The following DLGAP4 variants were observed in gnomAD, a reference collection of about 807,000 sequenced individuals.
DLGAP4 encodes the protein disks large-associated protein 4.
A neutral mutation model predicts 86.9 loss-of-function variants in DLGAP4; 18 were observed. The ratio of observed to expected loss-of-function variants is 0.21; its 90% CI spans 0.14 to 0.31. The LOEUF is 0.31. Among genes scored for constraint, DLGAP4 ranks in the 10% least tolerant of loss-of-function variants. The pLI, the probability that DLGAP4 is intolerant of heterozygous loss-of-function variation, is 1.00. For missense variants in DLGAP4, 1,085 were observed against 1,362.6 expected (o/e 0.80, Z 3.21); for synonymous variants, 548 against 574.3 (o/e 0.95, Z 0.65).
chr20:36,425,557 G>A lies in DLGAP4; in HGVS notation c.-72-6089G>A, dbSNP rs573846095. Among the ~76,000 whole-genome samples the A allele has an allele frequency of 5.8e-3, 682 of 117,654 alleles. 7 individuals are homozygous for A. The highest frequency in any genetic ancestry group is 0.021 in the African/African-American group (652 of 31,362). 77.2% of individuals were successfully genotyped at this position (117,654 alleles called of 152,430 possible). A position where few individuals can be genotyped will look rare whatever the true frequency, so the allele number is the denominator to read the frequency against. On this transcript the variant is annotated intron_variant, in intron 2 of 12. Transcript: ENST00000339266. ...GTTAAACATAGGGGCTGGGCGTGGT[G>A]GCTCGCCTGTAATCCCAGCACTTTT...
At chr20:36,323,505 G>C (rs2065189635) in intron 1 of DLGAP4, among the ~76,000 whole-genome samples, 1 of 152,108 alleles carries the variant, frequency 6.6e-6, no homozygotes, top group Non-Finnish European at 1.5e-5. Context: ...TTCTATTGTT[G>C]ATAGACTTTT....
At chr20:36,511,429 C>A (rs1353883838) in intron 10 of DLGAP4, among the ~76,000 whole-genome samples, 1 of 152,040 alleles carries the variant, frequency 6.6e-6, no homozygotes, top group South Asian at 2.1e-4. Context: ...GTCTTGAACT[C>A]CTGGGCTCAA....
intron 2 of DLGAP4, among the ~76,000 whole-genome samples, chr20:36,396,576 CATACACACACCAG>C (rs1327564206): frequency 3.9e-4 from 33 of 85,484 alleles, no homozygotes; most frequent in Non-Finnish European, 7.9e-4. Flanking sequence ...ACACACACCA[CATACACACACCAG>C]ACACACACAC....
At chr20:36,490,450 G>A (rs1457001472) in intron 7 of DLGAP4, among the ~76,000 whole-genome samples, 1 of 152,192 alleles carries the variant, frequency 6.6e-6, no homozygotes, top group Non-Finnish European at 1.5e-5. Flanking sequence ...CAAGTTACTT[G>A]CTGGCTGGGA....
chr20:36,341,603 C>T (rs1205100572), intron 1 of DLGAP4, among the ~76,000 whole-genome samples: 1 of 152,270 alleles, frequency 6.6e-6, no homozygotes. Context: ...GGCCACAGGC[C>T]TTGCTGAAGG....
chr20:36,414,182 G>A (rs2032588218), intron 2 of DLGAP4, among the ~76,000 whole-genome samples: 5 of 152,182 alleles, frequency 3.3e-5, no homozygotes, highest in Admixed American at 3.3e-4. Flanking sequence ...CAGGACTGGG[G>A]TCCCAGCCCC....
intron 10 of DLGAP4, among the ~76,000 whole-genome samples, chr20:36,514,140 C>T (rs1194089747): frequency 7.4e-6 from 1 of 135,464 alleles, no homozygotes; most frequent in Non-Finnish European, 1.5e-5. Context: ...CAATTGGAAG[C>T]CACCTGAACA....
intron 1 of DLGAP4, among the ~76,000 whole-genome samples, chr20:36,334,379 C>T (rs916722552): frequency 6.6e-6 from 1 of 152,100 alleles, no homozygotes; most frequent in Non-Finnish European, 1.5e-5. Context: ...AATCTAAGCT[C>T]ACTCAGGGAA....
At chr20:36,332,048 T>G (rs2065274247) in intron 1 of DLGAP4, among the ~76,000 whole-genome samples, 1 of 151,832 alleles carries the variant, frequency 6.6e-6, no homozygotes, top group African/African-American at 2.4e-5. Context: ...AGGACATGGG[T>G]TTTCCCTGAG....
chr20:36,522,851 C>T (rs2037462671), intron 10 of DLGAP4, among the ~76,000 whole-genome samples: 1 of 151,994 alleles, frequency 6.6e-6, no homozygotes, highest in Admixed American at 6.6e-5. Flanking sequence ...TTTATGCCAG[C>T]ACCTTTTGTG....
At chr20:36,392,247 C>G (rs761276387) in intron 2 of DLGAP4, among the ~76,000 whole-genome samples, 1 of 152,198 alleles carries the variant, frequency 6.6e-6, no homozygotes, top group African/African-American at 2.4e-5. Context: ...CAGAGGAAAT[C>G]TGGAATTCAG....
chr20:36,382,389 G>C (rs1053439145), intron 2 of DLGAP4, among the ~76,000 whole-genome samples: 13 of 150,566 alleles, frequency 8.6e-5, no homozygotes, highest in Admixed American at 8.6e-4. Context: ...TTTTTAGGGG[G>C]TGGGGGTGGA....
intron 2 of DLGAP4, among the ~76,000 whole-genome samples, chr20:36,370,966 C>T (rs920620690): frequency 1.3e-5 from 2 of 152,224 alleles, no homozygotes; most frequent in Non-Finnish European, 2.9e-5. Flanking sequence ...CATTTGTTCC[C>T]TTCTTTAATC....
intron 7 of DLGAP4, chr20:36,461,654 G>T (rs2034059857): frequency 1.6e-5 from 7 of 432,012 alleles, no homozygotes; most frequent in Non-Finnish European, 1.8e-5. Context: ...AGGAGACGGG[G>T]GCCGCCCCGC....
intron 3 of DLGAP4, among the ~76,000 whole-genome samples, chr20:36,434,390 G>A (rs1241701958): frequency 1.3e-5 from 2 of 152,192 alleles, no homozygotes; most frequent in Non-Finnish European, 2.9e-5. Flanking sequence ...TATATTTAGG[G>A]CTCTTGTGGT....
At chr20:36,409,990 C>T (rs1179768172) in intron 2 of DLGAP4, among the ~76,000 whole-genome samples, 4 of 150,020 alleles carry the variant, frequency 2.7e-5, no homozygotes, top group Non-Finnish European at 5.9e-5. Context: ...GCCGAGATCA[C>T]GCCACTGCAC....
chr20:36,500,236 G>C lies in DLGAP4; in HGVS notation c.2137G>C (p.Asp713His). Residue 713 changes from aspartate to histidine, a missense_variant, in exon 10 of 13, where the codon GAC becomes CAC. This residue lies in a region of DLGAP4 where 1,082 missense variants were observed against 1,344.1 expected (regional missense o/e 0.81). Coordinates refer to ENST00000339266, the MANE Select transcript of DLGAP4 (RefSeq NM_001365621.2). This position sits in a 1 kb window ranked among gnomAD's most constrained non-coding sequence, Gnocchi z 4.6. ...VPSHSMSSRR[D>H]TDSDTQDAND... The stretch of plus-strand genomic sequence containing the variant: ...CTCTCACAGTATGTCCTCCCGACGG[G>C]ACACAGACTCGGATACCCAGGATGC... 6.2e-7 allele frequency: 1 copy of C among 1,600,812 alleles called. No individual in the cohort carries two copies. The highest frequency in any genetic ancestry group is 1.1e-5 in the South Asian group (1 of 89,192).
chr20:36,430,371 C>G lies in DLGAP4; in HGVS notation c.-72-1275C>G, dbSNP rs117411788. Among the ~76,000 whole-genome samples the G allele has an allele frequency of 1.2e-3, 184 of 152,244 alleles. 6 individuals carry two copies. The East Asian group carries it at 0.032, about 26-fold the overall frequency. ...GGTGTCAGAAGCCCTCAGCACCTGC[C>G]CAGCAGTCATACTTGGTAGACATTC... On this transcript the variant is annotated intron_variant, in intron 2 of 12. Coordinates refer to ENST00000339266, the MANE Select transcript of DLGAP4 (RefSeq NM_001365621.2).
At chr20:36,326,149 C>T (rs2065213904) in intron 1 of DLGAP4, among the ~76,000 whole-genome samples, 1 of 152,168 alleles carries the variant, frequency 6.6e-6, no homozygotes, top group African/African-American at 2.4e-5. Flanking sequence ...TTCTTGTAGG[C>T]AGCATATGTC....
Sources: allele counts gnomAD v4.1 joint callset (sites outside exome capture counted in the v4.1 genomes callset), GRCh38; gene constraint gnomAD v4.1.1; regional missense constraint gnomAD v4.1.1; non-coding constraint Gnocchi (gnomAD v3.1); transcripts MANE v1.5; gene names NCBI Gene and HGNC (gene_info 2026-07-23, HGNC 2026-07-21).